Variants in RABGGTA observed in about 807,000 individuals in gnomAD.
The protein encoded by RABGGTA is Rab geranylgeranyltransferase subunit alpha.
A neutral mutation model predicts 83.3 loss-of-function variants in RABGGTA; 69 were observed. That is an observed-to-expected ratio of 0.83 (90% CI 0.68 to 1.01). The LOEUF is 1.01. Ranked by LOEUF, RABGGTA falls within the 50% of genes least tolerant of loss-of-function variation. The pLI is 0.00. For missense variants in RABGGTA, 681 were observed against 712.7 expected (o/e 0.96, Z 0.51); for synonymous variants, 310 against 299.8 (o/e 1.03, Z -0.35).
chr14:24,266,713 T>A, intron 15 of RABGGTA, 63 bp downstream of exon 15: 1 of 1,468,520 alleles, frequency 6.8e-7, no homozygotes, highest in East Asian at 2.3e-5. Context: ...ATGGGCAGAC[T>A]TCTGAGGGAG....
chr14:24,266,671 G>T, intron 15 of RABGGTA, 105 bp downstream of exon 15: 2 of 1,247,674 alleles, frequency 1.6e-6, no homozygotes, highest in Non-Finnish European at 2.3e-6. Context: ...TTACCTGTTC[G>T]GGGTGGAGGG....
At position 24,268,204 on chromosome 14, in the gene RABGGTA, G is replaced by A. The variant is rs755548071; in HGVS notation, c.1059-6C>T. On this transcript the variant is annotated splice_polypyrimidine_tract_variant and splice_region_variant and intron_variant, in intron 11 of 16. Transcript: ENST00000216840. Reference sequence around the variant, plus strand: ...TCTCCACTGACAGCTCACACCTGAGGGTGGGCAGGGTGGGGAGGAGTTGAG... The same window carrying A: ...TCTCCACTGACAGCTCACACCTGAGAGTGGGCAGGGTGGGGAGGAGTTGAG... 5 of 1,600,614 alleles carry A rather than the reference G, an allele frequency of 3.1e-6. No homozygotes were observed. The South Asian group carries it at 3.3e-5, about 11-fold the overall frequency.
chr14:24,268,162 C>A lies in RABGGTA; in HGVS notation c.1095G>T (p.Gln365His). 6.2e-7 allele frequency: 1 copy of A among 1,602,554 alleles called. No individual in the cohort carries two copies. The highest frequency in any genetic ancestry group is 8.5e-7 in the Non-Finnish European group (1 of 1,173,040). Residue 365 changes from glutamine (Q) to histidine (H), a missense_variant, in exon 12 of 17, where the codon CAG becomes CAT. Gln to His is a conservative substitution (Grantham distance 24). Around this residue, in one of 5 missense-constraint regions of RABGGTA, gnomAD observed 421 missense variants for 418.5 expected, o/e 1.01. Coordinates refer to ENST00000216840, the MANE Select transcript of RABGGTA (RefSeq NM_182836.3). ...ELSVEKSTVLQSELESCKELQ... is the reference protein window; with the variant it reads ...ELSVEKSTVLHSELESCKELQ... ...GCTCCTTACAGGATTCCAGCTCAGA[C>A]TGCAGCACTGTGGACTTCTCCACTG...
Position 24,269,531 on chromosome 14 carries a change from A to G in RABGGTA, c.591T>C (p.Ser197=). ...CCTCAGGGAGGCGCCCCTGTGGTCC[A>G]GAATCCGGCTGGGGGTGCAGCTGGG... ...LLPQLHPQPD[S]GPQGRLPEDV... The change falls in exon 6 of 17, where the codon TCT becomes TCC. Residue 197 remains serine (S), a synonymous_variant. Transcript: ENST00000216840. The G allele has an allele frequency of 6.2e-7, 1 of 1,608,196 alleles. No homozygotes were observed. The highest frequency in any genetic ancestry group is 8.5e-7 in the Non-Finnish European group (1 of 1,174,610).
At chr14:24,270,233 C>A in intron 4 of RABGGTA, 93 bp from the exon 5 acceptor site, 1 of 1,561,444 alleles carries the variant, frequency 6.4e-7, no homozygotes, top group Non-Finnish European at 8.7e-7. Flanking sequence ...TACTATCCTC[C>A]ATCTATGCCA....
intron 6 of RABGGTA, 111 bp downstream of exon 6, chr14:24,269,380 A>G (rs563996964): frequency 7.6e-7 from 1 of 1,310,820 alleles, no homozygotes; most frequent in Admixed American, 1.8e-5. Context: ...GGAGCCACGC[A>G]TGAAGTAGGT....
chr14:24,267,689 C>T lies in RABGGTA; in HGVS notation c.1324G>A (p.Glu442Lys), dbSNP rs751373180. ...TGAGCCAGGTGCAGCACACGCACCTCGGCATACTCCATCTTGAGCACGCTA... is the reference window on the plus strand; with the variant it reads ...TGAGCCAGGTGCAGCACACGCACCTTGGCATACTCCATCTTGAGCACGCTA... Reference protein sequence around the residue: ...ENSVLKMEYAEVRVLHLAHKD... With the variant: ...ENSVLKMEYAKVRVLHLAHKD... The change falls in exon 14 of 17, where the codon GAG becomes AAG. Residue 442 changes from glutamate (E) to lysine (K), a missense_variant. Glu to Lys is a moderately conservative substitution (Grantham distance 56, BLOSUM62 1). Around this residue, in one of 5 missense-constraint regions of RABGGTA, gnomAD observed 421 missense variants for 418.5 expected, o/e 1.01. Transcript: ENST00000216840. 1.4e-5 allele frequency: 22 copies of T among 1,611,700 alleles called. No homozygotes were observed. In the African/African-American group the frequency reaches 1.5e-4, roughly 11 times the overall value.
Position 24,269,528 on chromosome 14 carries a change from TC to T in RABGGTA, c.593del (p.Gly198AspfsTer39). 6.2e-7 allele frequency: 1 copy of T among 1,606,826 alleles called. No individual in the cohort carries two copies. The highest frequency in any genetic ancestry group is 8.5e-7 in the Non-Finnish European group (1 of 1,173,428). ...CATCCTCAGGGAGGCGCCCCTGTGG[TC>T]CAGAATCCGGCTGGGGGTGCAGCTG... Reference protein sequence around the residue: ...LPQLHPQPDSGPQGRLPEDVL... With the variant: ...LPQLHPQPDSXPQGRLPEDVL... On this transcript the variant is annotated frameshift_variant, in exon 6 of 17. Transcript: ENST00000216840. LOFTEE classifies it high-confidence loss of function.
At position 24,271,142 on chromosome 14, in the gene RABGGTA, G is replaced by GGAA. The variant is rs777375242; in HGVS notation, c.-30_-28dup. 10 of 1,533,390 alleles carry GGAA rather than the reference G, an allele frequency of 6.5e-6. No homozygotes were observed. In the South Asian group the frequency reaches 1.2e-4, roughly 18 times the overall value. The allele number at this position is 1,533,390 out of a possible 1,614,324, so 95.0% of individuals were successfully genotyped here. On this transcript the variant is annotated 5_prime_UTR_variant, in exon 2 of 17. Coordinates refer to ENST00000216840, the MANE Select transcript of RABGGTA (RefSeq NM_182836.3). ...GTGCCGGCTCAGGGTTCAAGACAGG[G>GGAA]GAAGGGTCCAGTGGTAGCCCTTGAA...
At chr14:24,266,919 G>T in intron 14 of RABGGTA, 30 bp from the exon 15 acceptor site, 1 of 1,521,174 alleles carries the variant, frequency 6.6e-7, no homozygotes, top group Non-Finnish European at 9.1e-7. Flanking sequence ...AGGAGGTGAT[G>T]GGCTTCCCAG....
chr14:24,269,455 T>G (rs1417620977), intron 6 of RABGGTA, 36 bp downstream of exon 6: 1 of 1,529,372 alleles, frequency 6.5e-7, no homozygotes. Context: ...AGGGTGGCAC[T>G]GCAGAGTCCT....
In RABGGTA at chr14:24,267,756, T is replaced by C; in HGVS notation, c.1257A>G (p.Ala419=). Residue 419 remains alanine, a synonymous_variant, in exon 14 of 17, where the codon GCA becomes GCG. Coordinates refer to ENST00000216840, the MANE Select transcript of RABGGTA (RefSeq NM_182836.3). The part of the protein sequence containing the change: ...QTLKAVDPMR[A]TYLDDLRSKF... ...TGCTGCGCAGGTCATCCAGATACGT[T>C]GCCCGCATGGGGTCCACGGCCTGGA... 6.2e-7 allele frequency: 1 copy of C among 1,612,358 alleles called. No homozygotes were observed. Among genetic ancestry groups the C allele is most frequent in the Non-Finnish European group, 8.5e-7 (1 of 1,179,798 alleles).
intron 14 of RABGGTA, 141 bp from the exon 15 acceptor site, chr14:24,267,030 TGGGAAGCTGACCTTACAG>T: frequency 6.1e-6 from 4 of 657,164 alleles, no homozygotes; most frequent in Non-Finnish European, 8.2e-6. Flanking sequence ...TGGGAGCATG[TGGGAAGCTGACCTTACAG>T]CCCACAGCAG....
At chr14:24,266,309 A>T (rs571670543) in intron 16 of RABGGTA, 121 bp downstream of exon 16, 565 of 891,814 alleles carry the variant, frequency 6.3e-4, no homozygotes, top group Non-Finnish European at 9.7e-4. Context: ...AACTCACACT[A>T]CAGAGCCCCC....
chr14:24,271,172 G>T lies in RABGGTA; in HGVS notation c.-54-3C>A. ...GGTCCAGTGGTAGCCCTTGAAGTCTGAGGAGAGAAGTGTCAATCACGTAGC... is the reference window on the plus strand; with the variant it reads ...GGTCCAGTGGTAGCCCTTGAAGTCTTAGGAGAGAAGTGTCAATCACGTAGC... On this transcript the variant is annotated splice_polypyrimidine_tract_variant and splice_region_variant and intron_variant, in intron 1 of 16. Coordinates refer to ENST00000216840, the MANE Select transcript of RABGGTA (RefSeq NM_182836.3). 1 of 1,497,532 alleles carries T rather than the reference G, an allele frequency of 6.7e-7. No homozygotes were observed. The highest frequency in any genetic ancestry group is 8.9e-7 in the Non-Finnish European group (1 of 1,123,066). 92.8% of individuals were successfully genotyped at this position (1,497,532 alleles called of 1,614,324 possible).
At position 24,270,945 on chromosome 14, in the gene RABGGTA, G is replaced by C. The variant is rs149057346; in HGVS notation, c.6C>G (p.His2Gln). 1 of 1,613,706 alleles carries C rather than the reference G, an allele frequency of 6.2e-7. No individual in the cohort carries two copies. The highest frequency in any genetic ancestry group is 1.3e-5 in the African/African-American group (1 of 75,068). ...CTGACGTCTTCACCTTCAGGCGTCCGTGCTACAAGGATGAACGGGTTGGAA... is the reference window on the plus strand; with the variant it reads ...CTGACGTCTTCACCTTCAGGCGTCCCTGCTACAAGGATGAACGGGTTGGAA... M[H>Q]GRLKVKTSEE... The change falls in exon 3 of 17, where the codon CAC becomes CAG. Residue 2 changes from histidine (H) to glutamine (Q), a missense_variant and splice_region_variant. Transcript: ENST00000216840.
In RABGGTA at chr14:24,271,561, G is replaced by A. The variant is rs1371302377; in HGVS notation, c.-129C>T. 3.1e-5 allele frequency: 5 copies of A among 159,496 alleles called. No individual in the cohort carries two copies. Among genetic ancestry groups the A allele is most frequent in the Admixed American group, 6.5e-5 (1 of 15,446 alleles). 9.9% of individuals were successfully genotyped at this position (159,496 alleles called of 1,614,324 possible). ...GAGCCCAGGCGCTGGCTAGAGCGGC[G>A]CCACGTCCCGGCTCATCGAAACGCA... On this transcript the variant is annotated 5_prime_UTR_variant, in exon 1 of 17. Coordinates refer to ENST00000216840, the MANE Select transcript of RABGGTA (RefSeq NM_182836.3).
chr14:24,269,242 T>C, intron 6 of RABGGTA, 79 bp from the exon 7 acceptor site: 1 of 1,344,110 alleles, frequency 7.4e-7, no homozygotes, highest in Non-Finnish European at 1.0e-6. Flanking sequence ...TACCCTCTCC[T>C]TGGAGTACTT....
At position 24,267,646 on chromosome 14, in the gene RABGGTA, A is replaced by C. The variant is rs376217968; in HGVS notation, c.1353+14T>G. ...GGATGAGGGCCAGGGGAAGGCATGC[A>C]TGGCAGCCCATACCTTGTGAGCCAG... On this transcript the variant is annotated intron_variant, in intron 14 of 16. Transcript: ENST00000216840. The C allele has an allele frequency of 1.2e-6, 2 of 1,601,296 alleles. No homozygotes were observed. The highest frequency in any genetic ancestry group is 2.2e-5 in the East Asian group (1 of 44,656).
Sources: gnomAD v4.1 joint callset for allele counts on GRCh38, gnomAD v4.1.1 for gene constraint, gnomAD v4.1.1 regional missense constraint, MANE v1.5 for transcripts, NCBI Gene and HGNC (gene_info 2026-07-23, HGNC 2026-07-21) for gene names.